ZC3H4: variants seen among roughly 807,000 people sequenced by gnomAD.
ZC3H4 encodes the protein zinc finger CCCH-type containing 4.
In ZC3H4, 13 loss-of-function variants were observed where a neutral mutation model predicts 108.3. The observed-to-expected ratio is 0.12, with a 90% CI of 0.08 to 0.19. ZC3H4 has a LOEUF of 0.19. Ranked by LOEUF, ZC3H4 falls within the 10% of genes least tolerant of loss-of-function variation. The pLI is 1.00. For missense variants in ZC3H4, 1,734 were observed against 1,838.8 expected (o/e 0.94, Z 1.04); for synonymous variants, 917 against 749.6 (o/e 1.22, Z -3.65).
rs2057200954 is a variant in ZC3H4 at position 47,066,572 on chromosome 19, G to A, written c.3696C>T (p.Thr1232=). 6.3e-7 allele frequency: 1 copy of A among 1,585,964 alleles called. No homozygotes were observed. The highest frequency in any genetic ancestry group is 8.6e-7 in the Non-Finnish European group (1 of 1,165,746). ...RPKAAAAPAA[T]TATPPPEGAP... is the part of the protein sequence containing the mutation. ...CACCCTCGGGGGGTGGGGTGGCGGT[G>A]GTGGCAGCGGGGGCTGCAGCAGCCT... Residue 1232 remains threonine (T), a synonymous_variant, in exon 15 of 15, where the codon ACC becomes ACT. Transcript: ENST00000253048.
Position 47,090,067 on chromosome 19 carries a change from C to T in ZC3H4, c.615G>A (p.Glu205=), listed in dbSNP as rs1368210135. 1 of 1,614,218 alleles carries T rather than the reference C, an allele frequency of 6.2e-7. No homozygotes were observed. ...DYENEQYGEY[E]GDEEEDMGKE... ...TGCCCATGTCCTCCTCCTCGTCGCC[C>T]TCATATTCCCCATACTGCTCATTCT... The change falls in exon 5 of 15, where the codon GAG becomes GAA. Residue 205 remains glutamate, a synonymous_variant. Coordinates refer to ENST00000253048, the MANE Select transcript of ZC3H4 (RefSeq NM_015168.2).
Position 47,082,412 on chromosome 19 carries a change from C to T in ZC3H4, c.1219-117G>A, listed in dbSNP as rs1568545730. On this transcript the variant is annotated intron_variant, in intron 9 of 14. Transcript: ENST00000253048. ...TGCATGGAGGGGCCAATGACAGAAA[C>T]GAATCCCCCTTAGGAAAGGAAGACA... is the stretch of plus-strand genomic sequence containing the variant. The T allele has an allele frequency of 7.9e-6, 6 of 758,206 alleles. No homozygotes were observed. In the Admixed American group the frequency reaches 8.3e-5, roughly 11 times the overall value. 47.0% of individuals were successfully genotyped at this position (758,206 alleles called of 1,614,324 possible). A position where few individuals can be genotyped will look rare whatever the true frequency, so the allele number is the denominator to read the frequency against.
At chr19:47,085,533 C>T in intron 6 of ZC3H4, 119 bp from the exon 7 acceptor site, 1 of 867,274 alleles carries the variant, frequency 1.2e-6, no homozygotes, top group Non-Finnish European at 1.7e-6. Flanking sequence ...CATACCATAA[C>T]CCGTTTCCAC....
At chr19:47,083,624 G>A (rs1170698416) in intron 9 of ZC3H4, among the ~76,000 whole-genome samples, 9 of 150,476 alleles carry the variant, frequency 6.0e-5, no homozygotes, top group Middle Eastern at 7.2e-3. Flanking sequence ...CAGGAGAATC[G>A]CTTGATCCCA....
chr19:47,087,414 T>C (rs2057650439), intron 5 of ZC3H4, among the ~76,000 whole-genome samples: 1 of 147,484 alleles, frequency 6.8e-6, no homozygotes, highest in Non-Finnish European at 1.5e-5. Flanking sequence ...ATTAATTTAA[T>C]TGGTTTCACT....
At chr19:47,076,313 GTGCGCGCGCGCGCA>G (rs2057416965) in intron 11 of ZC3H4, among the ~76,000 whole-genome samples, 1 of 77,276 alleles carries the variant, frequency 1.3e-5, no homozygotes, top group South Asian at 3.1e-4. Context: ...ACATGCACGC[GTGCGCGCGCGCGCA>G]CACACACACA....
intron 2 of ZC3H4, among the ~76,000 whole-genome samples, chr19:47,101,115 G>A (rs374739716): frequency 2.6e-5 from 4 of 152,012 alleles, no homozygotes; most frequent in Admixed American, 6.5e-5. Context: ...GCCAACAGGC[G>A]GATCACTTGA....
intron 4 of ZC3H4, among the ~76,000 whole-genome samples, chr19:47,092,173 C>A (rs763548106): frequency 1.3e-4 from 20 of 152,140 alleles, no homozygotes; most frequent in Non-Finnish European, 2.5e-4. Context: ...CCACTGCACT[C>A]CAGCCTGGGC....
intron 2 of ZC3H4, among the ~76,000 whole-genome samples, chr19:47,110,627 G>C (rs1005327954): frequency 6.6e-6 from 1 of 152,292 alleles, no homozygotes; most frequent in Admixed American, 6.5e-5. Context: ...CTCAATAAAA[G>C]AGGCTACTTA....
chr19:47,081,284 G>C (rs1488031447), intron 11 of ZC3H4, among the ~76,000 whole-genome samples: 1 of 152,202 alleles, frequency 6.6e-6, no homozygotes, highest in East Asian at 1.9e-4. Context: ...ATTTGGTCAT[G>C]CCCCAGGGGA....
chr19:47,075,167 T>A (rs909495709), intron 11 of ZC3H4, among the ~76,000 whole-genome samples: 1 of 152,012 alleles, frequency 6.6e-6, no homozygotes, highest in Non-Finnish European at 1.5e-5. Context: ...GGAGGAGGTG[T>A]GGAAAACGAC....
At chr19:47,105,959 C>G (rs1202215722) in intron 2 of ZC3H4, among the ~76,000 whole-genome samples, 1 of 152,174 alleles carries the variant, frequency 6.6e-6, no homozygotes, top group Non-Finnish European at 1.5e-5. Flanking sequence ...TGAGTACCAG[C>G]CACCCCGGGT....
chr19:47,067,224 G>C lies in ZC3H4; in HGVS notation c.3044C>G (p.Ala1015Gly), dbSNP rs956791443. 6.2e-7 allele frequency: 1 copy of C among 1,607,348 alleles called. No individual in the cohort carries two copies. The highest frequency in any genetic ancestry group is 1.3e-5 in the African/African-American group (1 of 74,630). ...GGCGTTGGGGGGCCCTGCCGTGGCA[G>C]CGCGGTGCAGCCGGGGGTCCAGGGT... The part of the protein sequence containing the change: ...MPTLDPRLHR[A>G]ATAGPPNARQ... The change falls in exon 15 of 15, where the codon GCT becomes GGT. Residue 1015 changes from alanine to glycine, a missense_variant. Transcript: ENST00000253048. The surrounding 1 kb of genome is among the most constrained non-coding windows in gnomAD (Gnocchi z 6.4).
chr19:47,111,498 C>T (rs188816372), intron 2 of ZC3H4, among the ~76,000 whole-genome samples: 2 of 152,250 alleles, frequency 1.3e-5, no homozygotes, highest in South Asian at 2.1e-4. Flanking sequence ...GGAGAAAGCG[C>T]GGGACCAACT....
chr19:47,068,999 T>G, intron 14 of ZC3H4, 93 bp downstream of exon 14: 2 of 1,578,300 alleles, frequency 1.3e-6, no homozygotes, highest in Non-Finnish European at 1.7e-6. Context: ...GGCTCCTTCC[T>G]GACAGGAAAC....
intron 2 of ZC3H4, among the ~76,000 whole-genome samples, chr19:47,109,483 A>AT (rs1479657364): frequency 1.3e-5 from 2 of 151,500 alleles, no homozygotes; most frequent in African/African-American, 2.5e-5. Context: ...TGGAGAAAGA[A>AT]TTTTACAAAG....
intron 9 of ZC3H4, among the ~76,000 whole-genome samples, chr19:47,083,507 C>T (rs959602153): frequency 3.9e-5 from 6 of 152,036 alleles, no homozygotes; most frequent in African/African-American, 1.4e-4. Context: ...GAGTTTGGGA[C>T]CAGCCTGGCC....
chr19:47,102,019 T>C (rs2057910500), intron 2 of ZC3H4, among the ~76,000 whole-genome samples: 1 of 152,066 alleles, frequency 6.6e-6, no homozygotes, highest in South Asian at 2.1e-4. Flanking sequence ...GGGTGACAGA[T>C]TGAGACTTCG....
intron 13 of ZC3H4, among the ~76,000 whole-genome samples, chr19:47,069,861 T>C (rs1266801545): frequency 6.6e-6 from 1 of 152,026 alleles, no homozygotes; most frequent in African/African-American, 2.4e-5. Flanking sequence ...TGGCCACAGG[T>C]CAACAGCAGT....
Sources: allele counts gnomAD v4.1 joint callset (sites outside exome capture counted in the v4.1 genomes callset), GRCh38; gene constraint gnomAD v4.1.1; non-coding constraint Gnocchi (gnomAD v3.1); transcripts MANE v1.5; gene names NCBI Gene and HGNC (gene_info 2026-07-23, HGNC 2026-07-21).